COL6A2: variants seen among roughly 807,000 people sequenced by gnomAD.
COL6A2 encodes collagen alpha-2(VI) chain.
Under a neutral mutation model 124.9 loss-of-function variants are expected in COL6A2, and 90 were observed. The ratio of observed to expected loss-of-function variants is 0.72; its 90% CI spans 0.61 to 0.86. The LOEUF is 0.86. Ranked by LOEUF, COL6A2 falls within the 40% of genes least tolerant of loss-of-function variation. The probability of loss-of-function intolerance (pLI) is 0.00; values close to 1 mark genes in which losing one functional copy is unlikely to be tolerated. For synonymous variants in COL6A2, 793 were observed against 618.2 expected (o/e 1.28, Z -4.19); for missense variants, 1,607 against 1,502.5 (o/e 1.07, Z -1.15).
chr21:46,123,696 GGTGGGTA>G (rs1275511378), intron 21 of COL6A2, among the ~76,000 whole-genome samples: 2 of 88,888 alleles, frequency 2.3e-5, no homozygotes, highest in Non-Finnish European at 4.9e-5. Context: ...TAGGTGGGTA[GGTGGGTA>G]GATGGATGGG....
At chr21:46,121,529 A>ACTT (rs1568934437) in intron 17 of COL6A2, 27 bp from the exon 18 acceptor site, 1 of 1,611,456 alleles carries the variant, frequency 6.2e-7, no homozygotes, top group East Asian at 2.2e-5. Flanking sequence ...GCCTGTGCTG[A>ACTT]CTTCTGAATT....
At chr21:46,129,847 G>A (rs1038013211) in intron 27 of COL6A2, 1 of 1,069,034 alleles carries the variant, frequency 9.4e-7, no homozygotes, top group Admixed American at 4.8e-5. Flanking sequence ...CACCCTCACA[G>A]GCTCCAGGGT....
chr21:46,104,582 C>T (rs2078318472), intron 1 of COL6A2, among the ~76,000 whole-genome samples: 1 of 152,010 alleles, frequency 6.6e-6, no homozygotes. Context: ...GTAGGAGCCC[C>T]AGAAGAAGAG....
chr21:46,112,687 A>T lies in COL6A2; in HGVS notation c.714+110A>T, dbSNP rs911880475. ...CTGTGAGTGCGGAGGCCGAAGGAGG[A>T]AGCTCCGGGCAGGGCCTGGGCCACT... On this transcript the variant is annotated intron_variant, in intron 3 of 27. Transcript: ENST00000300527. 1.4e-5 allele frequency: 23 copies of T among 1,596,796 alleles called. No homozygotes were observed. The African/African-American group carries it at 2.4e-4, about 17-fold the overall frequency.
intron 1 of COL6A2, among the ~76,000 whole-genome samples, chr21:46,111,043 T>C (rs1214568748): frequency 1.3e-5 from 2 of 152,132 alleles, no homozygotes; most frequent in Non-Finnish European, 2.9e-5. Context: ...CTGGGGAAGC[T>C]GGGATCTCTC....
In COL6A2 at chr21:46,111,324, C is replaced by T. The variant is rs920915246; in HGVS notation, c.-27-126C>T. 21 of 624,180 alleles carry T rather than the reference C, an allele frequency of 3.4e-5. 1 individual carries two copies. Among genetic ancestry groups the T allele is most frequent in the South Asian group, 2.3e-4 (13 of 55,524 alleles). The allele number at this position is 624,180 out of a possible 1,614,324, so 38.7% of individuals were successfully genotyped here. On this transcript the variant is annotated intron_variant, in intron 1 of 27. Transcript: ENST00000300527. Reference sequence around the variant, plus strand: ...GACGGTGTGTGCTGGGCGCAGACCCCGCTTCCTTGAAGACTGAGGGCAGTG... The same window carrying T: ...GACGGTGTGTGCTGGGCGCAGACCCTGCTTCCTTGAAGACTGAGGGCAGTG...
At chr21:46,129,280 C>A in intron 27 of COL6A2, 1 of 1,612,972 alleles carries the variant, frequency 6.2e-7, no homozygotes, top group South Asian at 1.1e-5. Flanking sequence ...AGGACCATTC[C>A]CCTGATCCAA....
intron 27 of COL6A2, among the ~76,000 whole-genome samples, chr21:46,128,127 G>C (rs2078701848): frequency 6.6e-6 from 1 of 152,228 alleles, no homozygotes; most frequent in South Asian, 2.1e-4. Context: ...CGGTGACATG[G>C]AGTGAGCCCA....
At chr21:46,098,495 C>T (rs1273517365) in intron 1 of COL6A2, among the ~76,000 whole-genome samples, 3 of 151,708 alleles carry the variant, frequency 2.0e-5, no homozygotes, top group African/African-American at 7.3e-5. Context: ...GGTGCTGGGA[C>T]CCCCGCTCCC....
In COL6A2 at chr21:46,099,657, G is replaced by A. The variant is rs1054244419; in HGVS notation, c.-28+1484G>A. Among the ~76,000 whole-genome samples, 29 of 152,268 alleles carry A rather than the reference G, an allele frequency of 1.9e-4. 1 individual carries two copies. The highest frequency in any genetic ancestry group is 1.4e-3 in the Admixed American group (21 of 15,308). ...GAAGGGGCCCTACCCAGCCCGCGGG[G>A]CACTGGCTGGGACGGGGCTGCCCAG... On this transcript the variant is annotated intron_variant, in intron 1 of 27. Transcript: ENST00000300527.
rs531816975 is a variant in COL6A2, at chr21:46,125,948, C to T, written c.2133C>T (p.Tyr711=). ...CACCCTCAGCCCTCAAGTTTGCCTA[C>T]GACCGCCTCATCAAGGAGAGCCGGC... ...TWTPSALKFA[Y]DRLIKESRRQ... is the part of the protein sequence containing the mutation. The change falls in exon 26 of 28, where the codon TAC becomes TAT. Residue 711 remains tyrosine, a synonymous_variant. Coordinates refer to ENST00000300527, the MANE Select transcript of COL6A2 (RefSeq NM_001849.4). The T allele has an allele frequency of 1.4e-5, 22 of 1,613,144 alleles. No individual in the cohort carries two copies. Among genetic ancestry groups the T allele is most frequent in the East Asian group, 8.9e-5 (4 of 44,854 alleles).
Position 46,132,306 on chromosome 21 carries a change from G to A in COL6A2, c.2814G>A (p.Arg938=). 2 of 1,606,436 alleles carry A rather than the reference G, an allele frequency of 1.2e-6. No individual in the cohort carries two copies. The highest frequency in any genetic ancestry group is 1.3e-5 in the African/African-American group (1 of 74,988). The part of the protein sequence containing the change: ...IVRSPRGGAR[R]HAELSFVFLT... ...GCAGCCCGCGTGGCGGGGCCCGGAG[G>A]CACGCAGAGCTGTCCTTCGTGTTCC... The change falls in exon 28 of 28, where the codon AGG becomes AGA. Residue 938 remains arginine (R), a synonymous_variant. Transcript: ENST00000300527.
At chr21:46,099,825 A>C (rs1312687663) in intron 1 of COL6A2, among the ~76,000 whole-genome samples, 1 of 150,530 alleles carries the variant, frequency 6.6e-6, no homozygotes, top group African/African-American at 2.4e-5. Flanking sequence ...CAGAGGTCAG[A>C]AACGTCAGAT....
At chr21:46,109,144 C>G (rs1165975022) in intron 1 of COL6A2, among the ~76,000 whole-genome samples, 1 of 152,016 alleles carries the variant, frequency 6.6e-6, no homozygotes, top group East Asian at 1.9e-4. Context: ...CGTGTCTCCT[C>G]TCTGCAAACA....
At chr21:46,131,697 A>G (rs1568946827) in intron 27 of COL6A2, among the ~76,000 whole-genome samples, 1 of 152,148 alleles carries the variant, frequency 6.6e-6, no homozygotes, top group Non-Finnish European at 1.5e-5. Context: ...GCAGGTGGAC[A>G]GGGCCTGGGG....
intron 19 of COL6A2, 51 bp from the exon 20 acceptor site, chr21:46,122,445 G>A (rs369753525): frequency 6.2e-6 from 10 of 1,609,934 alleles, no homozygotes; most frequent in South Asian, 2.2e-5. Flanking sequence ...GAGGGAGGAA[G>A]GAGCACTGGG....
chr21:46,118,181 G>A (rs536095734), intron 12 of COL6A2, among the ~76,000 whole-genome samples: 32 of 152,204 alleles, frequency 2.1e-4, no homozygotes, highest in African/African-American at 7.2e-4. Flanking sequence ...CTCCTCCCAG[G>A]TGGAGCCCCA....
rs145381639 is a variant in COL6A2, at chr21:46,132,241, G to A, written c.2749G>A (p.Val917Met). ...TTQYLNSFSH[V>M]GAGVVHAINA... ...ACAATACCTGAACTCCTTCTCGCAC[G>A]TGGGCGCAGGCGTGGTGCACGCCAT... The change falls in exon 28 of 28, where the codon GTG (valine) becomes ATG (methionine). Residue 917 changes from valine to methionine, a missense_variant. By Grantham distance (21) the Val-to-Met change is conservative. This residue lies in a region of COL6A2 where 1,223 missense variants were observed against 1,052.2 expected (regional missense o/e 1.16). Coordinates refer to ENST00000300527, the MANE Select transcript of COL6A2 (RefSeq NM_001849.4). 44 of 1,602,932 alleles carry A rather than the reference G, an allele frequency of 2.7e-5. No homozygotes were observed. Among genetic ancestry groups the A allele is most frequent in the Admixed American group, 3.4e-5 (2 of 59,038 alleles).
intron 1 of COL6A2, among the ~76,000 whole-genome samples, chr21:46,103,816 G>A (rs901203382): frequency 1.3e-4 from 20 of 152,146 alleles, no homozygotes; most frequent in Non-Finnish European, 1.9e-4. Context: ...AACTAACCCC[G>A]TCATTGCAAG....
Sources: gnomAD v4.1 joint callset for allele counts (sites outside exome capture counted in the v4.1 genomes callset) on GRCh38, gnomAD v4.1.1 for gene constraint, gnomAD v4.1.1 regional missense constraint, MANE v1.5 for transcripts, NCBI Gene and HGNC (gene_info 2026-07-23, HGNC 2026-07-21) for gene names.